CNTN4: variants seen among roughly 807,000 people sequenced by gnomAD.
CNTN4 encodes contactin-4.
Under a neutral mutation model 122.5 loss-of-function variants are expected in CNTN4, and 77 were observed. The observed-to-expected ratio is 0.63, with a 90% CI of 0.52 to 0.76. The LOEUF (loss-of-function observed/expected upper bound fraction) is 0.76, where lower values mean the gene tolerates loss of function less well. Ranked by LOEUF, CNTN4 falls within the 30% of genes least tolerant of loss-of-function variation. CNTN4 has a pLI of 0.00. For synonymous variants in CNTN4, 512 were observed against 447.0 expected (o/e 1.15, Z -1.83); for missense variants, 1,256 against 1,259.1 (o/e 1.00, Z 0.04).
chr3:3,014,521 A>G (rs192522768), intron 14 of CNTN4, among the ~76,000 whole-genome samples: 7 of 150,692 alleles, frequency 4.6e-5, no homozygotes, highest in African/African-American at 1.5e-4. Flanking sequence ...ATGGTGCTCC[A>G]CAAAAGACTG....
At chr3:2,596,678 T>A (rs1457437110) in intron 4 of CNTN4, among the ~76,000 whole-genome samples, 1 of 152,170 alleles carries the variant, frequency 6.6e-6, no homozygotes. Context: ...GGAAGTGCAA[T>A]CATTTGCCCC....
chr3:2,192,142 G>A (rs1376633776), intron 2 of CNTN4, among the ~76,000 whole-genome samples: 1 of 151,940 alleles, frequency 6.6e-6, no homozygotes, highest in Non-Finnish European at 1.5e-5. Flanking sequence ...ATGGACATTT[G>A]GGTTGGTTCC....
At chr3:2,134,340 T>C (rs1040641468) in intron 2 of CNTN4, among the ~76,000 whole-genome samples, 1 of 152,186 alleles carries the variant, frequency 6.6e-6, no homozygotes, top group African/African-American at 2.4e-5. Context: ...GTGATTTGAA[T>C]TCGTACCCCA....
At chr3:2,698,541 A>T (rs772967379) in intron 4 of CNTN4, among the ~76,000 whole-genome samples, 44 of 152,186 alleles carry the variant, frequency 2.9e-4, no homozygotes, top group Non-Finnish European at 5.4e-4. Context: ...TTAATTTTTT[A>T]AAAATTAAGT....
At chr3:2,565,796 C>T (rs1373131147) in intron 3 of CNTN4, among the ~76,000 whole-genome samples, 2 of 152,174 alleles carry the variant, frequency 1.3e-5, no homozygotes, top group Non-Finnish European at 2.9e-5. Context: ...CTGTTTCCCG[C>T]TTCCTCGCCA....
intron 3 of CNTN4, among the ~76,000 whole-genome samples, chr3:2,465,150 G>A (rs1389607794): frequency 1.3e-5 from 2 of 152,104 alleles, no homozygotes; most frequent in Admixed American, 1.3e-4. Flanking sequence ...TATATTCTAT[G>A]TATACTACAA....
intron 2 of CNTN4, among the ~76,000 whole-genome samples, chr3:2,325,825 T>A (rs2043435475): frequency 6.6e-6 from 1 of 152,218 alleles, no homozygotes; most frequent in South Asian, 2.1e-4. Context: ...AGAGTACATA[T>A]GTGTACTTTA....
At chr3:2,236,553 C>G (rs1452947676) in intron 2 of CNTN4, among the ~76,000 whole-genome samples, 1 of 152,124 alleles carries the variant, frequency 6.6e-6, no homozygotes. Flanking sequence ...CTTCAGGAAG[C>G]AGTGAGCATT....
At chr3:2,491,426 G>T (rs538106161) in intron 3 of CNTN4, among the ~76,000 whole-genome samples, 386 of 152,296 alleles carry the variant, frequency 2.5e-3, no homozygotes, top group African/African-American at 8.8e-3. Flanking sequence ...ATATGTGTAT[G>T]ATAAAATGTC....
At chr3:2,907,713 A>G (rs1347904216) in intron 12 of CNTN4, among the ~76,000 whole-genome samples, 1 of 152,234 alleles carries the variant, frequency 6.6e-6, no homozygotes, top group African/African-American at 2.4e-5. Flanking sequence ...CCCTACGGTC[A>G]TGAATAAGAG....
chr3:2,574,086 T>C lies in CNTN4; in HGVS notation c.55+2528T>C, dbSNP rs539238721. On this transcript the variant is annotated intron_variant, in intron 4 of 24. Transcript: ENST00000418658. The stretch of plus-strand genomic sequence containing the variant: ...GTAAAATTAGCAAGGCATGGTGGTG[T>C]ATGCCTGTAATCCCAGCTACTTGGG... 5.9e-4 allele frequency among the ~76,000 whole-genome samples: 90 copies of C among 152,172 alleles called. 2 individuals are homozygous for C. In the South Asian group the frequency reaches 1.0e-2, roughly 17 times the overall value.
chr3:2,782,147 A>G (rs1223441447), intron 6 of CNTN4, among the ~76,000 whole-genome samples: 1 of 151,966 alleles, frequency 6.6e-6, no homozygotes, highest in Admixed American at 6.6e-5. Context: ...TATCAGACTG[A>G]AGTCTGTGTT....
At chr3:2,197,603 C>G (rs1396330120) in intron 2 of CNTN4, among the ~76,000 whole-genome samples, 1 of 152,120 alleles carries the variant, frequency 6.6e-6, no homozygotes, top group Middle Eastern at 3.4e-3. Flanking sequence ...ATGGTCAGAT[C>G]TGGATTTGAA....
rs925655975 is a variant in CNTN4 at position 2,165,125 on chromosome 3, C to G, written c.-145+64486C>G. ...ATCATCTGAGGTCAGGAGGTCGAGA[C>G]CAGCCTGGCCAACATGGTGAAACCC... On this transcript the variant is annotated intron_variant, in intron 2 of 24. Coordinates refer to ENST00000418658, the MANE Select transcript of CNTN4 (RefSeq NM_175607.3). 2.0e-4 allele frequency among the ~76,000 whole-genome samples: 31 copies of G among 151,994 alleles called. 1 individual carries two copies. The highest frequency in any genetic ancestry group is 1.8e-3 in the Admixed American group (28 of 15,264).
intron 3 of CNTN4, among the ~76,000 whole-genome samples, chr3:2,531,652 A>G (rs536392920): frequency 1.3e-5 from 2 of 152,278 alleles, no homozygotes; most frequent in East Asian, 3.9e-4. Flanking sequence ...AACAGAAAGT[A>G]GTGACTCTTT....
chr3:2,753,237 C>T (rs913891969), intron 6 of CNTN4, among the ~76,000 whole-genome samples: 2 of 152,176 alleles, frequency 1.3e-5, no homozygotes, highest in East Asian at 3.9e-4. Flanking sequence ...GATTCAAATT[C>T]AGCTTCTATA....
chr3:2,269,173 A>G (rs1387992641), intron 2 of CNTN4, among the ~76,000 whole-genome samples: 1 of 152,172 alleles, frequency 6.6e-6, no homozygotes, highest in Non-Finnish European at 1.5e-5. Context: ...GAGAGCAGAA[A>G]TAAACTGTAC....
At chr3:2,771,787 C>T (rs1000900234) in intron 6 of CNTN4, among the ~76,000 whole-genome samples, 5 of 152,028 alleles carry the variant, frequency 3.3e-5, no homozygotes, top group African/African-American at 1.2e-4. Context: ...AATGAAAAGA[C>T]AGCAGTGTGC....
chr3:2,182,674 T>A (rs936614438), intron 2 of CNTN4, among the ~76,000 whole-genome samples: 1 of 152,162 alleles, frequency 6.6e-6, no homozygotes, highest in Non-Finnish European at 1.5e-5. Flanking sequence ...ATATGACTCA[T>A]TGTAACATTA....
Sources: allele counts gnomAD v4.1 joint callset (sites outside exome capture counted in the v4.1 genomes callset), GRCh38; gene constraint gnomAD v4.1.1; transcripts MANE v1.5; gene names NCBI Gene and HGNC (gene_info 2026-07-23, HGNC 2026-07-21).